Variants in ST6GAL1 observed in about 807,000 individuals in gnomAD.
ST6GAL1 encodes beta-galactoside alpha-2,6-sialyltransferase 1.
Under a neutral mutation model 38.0 loss-of-function variants are expected in ST6GAL1, and 20 were observed. That is an observed-to-expected ratio of 0.53 (90% CI 0.37 to 0.77). The LOEUF is 0.77. ST6GAL1 is among the 30% of genes least tolerant of loss of function. ST6GAL1 has a pLI of 0.00. For synonymous variants in ST6GAL1, 196 were observed against 188.2 expected (o/e 1.04, Z -0.34); for missense variants, 432 against 496.4 (o/e 0.87, Z 1.23).
Position 187,072,923 on chromosome 3 carries a change from T to C in ST6GAL1, c.780T>C (p.Ser260=), listed in dbSNP as rs754141160. 1.2e-6 allele frequency: 2 copies of C among 1,613,938 alleles called. No individual in the cohort carries two copies. The highest frequency in any genetic ancestry group is 1.7e-6 in the Non-Finnish European group (2 of 1,179,814). ...NEGILIVWDP[S]VYHSDIPKWY... Reference sequence around the variant, plus strand: ...GAATCCTAATTGTATGGGACCCATCTGTATACCACTCAGATATCCCAAAGG... The same window carrying C: ...GAATCCTAATTGTATGGGACCCATCCGTATACCACTCAGATATCCCAAAGG... Residue 260 remains serine (S), a synonymous_variant, in exon 6 of 8, where the codon TCT becomes TCC. Coordinates refer to ENST00000169298, the MANE Select transcript of ST6GAL1 (RefSeq NM_173216.2).
intron 2 of ST6GAL1, among the ~76,000 whole-genome samples, chr3:187,020,197 T>G (rs1458978608): frequency 6.6e-6 from 1 of 152,140 alleles, no homozygotes; most frequent in African/African-American, 2.4e-5. Context: ...CTCGGGAGGC[T>G]GAGGCAGAGA....
intron 2 of ST6GAL1, chr3:187,024,989 G>C (rs1028447796): frequency 3.8e-5 from 2 of 52,618 alleles, no homozygotes; most frequent in Non-Finnish European, 6.5e-5. Context: ...AACCTGGTGC[G>C]TGTGTGTGTG....
At chr3:186,985,181 T>C (rs886276509) in intron 2 of ST6GAL1, among the ~76,000 whole-genome samples, 1 of 152,074 alleles carries the variant, frequency 6.6e-6, no homozygotes, top group Non-Finnish European at 1.5e-5. Context: ...AGTGTTGGGA[T>C]TGCAGACGTG....
intron 5 of ST6GAL1, among the ~76,000 whole-genome samples, chr3:187,060,391 C>T (rs1327160289): frequency 6.6e-6 from 1 of 152,094 alleles, no homozygotes; most frequent in African/African-American, 2.4e-5. Flanking sequence ...AAACTCCTGA[C>T]CTCAGGTGAT....
chr3:186,974,735 G>GC (rs899293718), intron 2 of ST6GAL1, among the ~76,000 whole-genome samples: 3 of 150,920 alleles, frequency 2.0e-5, no homozygotes, highest in African/African-American at 7.3e-5. Context: ...TTGGGGGGGG[G>GC]GCGCCCACAG....
chr3:186,940,921 G>GA lies in ST6GAL1; in HGVS notation c.-325+10088dup, dbSNP rs1168692024. 7.9e-5 allele frequency among the ~76,000 whole-genome samples: 12 copies of GA among 152,108 alleles called. No homozygotes were observed. In the South Asian group the frequency reaches 1.5e-3, roughly 18 times the overall value. ...TGTTTTTAGACCTCAAACATATGGA[G>GA]AGATGGTTGTAAATGTCAGTGGGTT... On this transcript the variant is annotated intron_variant, in intron 1 of 7. Coordinates refer to ENST00000169298, the MANE Select transcript of ST6GAL1 (RefSeq NM_173216.2).
chr3:186,996,866 G>C (rs1716429420), intron 2 of ST6GAL1, among the ~76,000 whole-genome samples: 1 of 151,566 alleles, frequency 6.6e-6, no homozygotes, highest in African/African-American at 2.4e-5. Context: ...GCCCCTCTCT[G>C]CTTGGGTCCC....
In ST6GAL1 at chr3:187,077,475, A is replaced by G. The variant is rs1016245673; in HGVS notation, c.*1672A>G. ...TAACCATCTCGGAGCTGGGCTCCTC[A>G]TTTACTGCCAAACCCTCAGCTTATG... On this transcript the variant is annotated 3_prime_UTR_variant, in exon 8 of 8. Coordinates refer to ENST00000169298, the MANE Select transcript of ST6GAL1 (RefSeq NM_173216.2). 1 of 152,638 alleles carries G rather than the reference A, an allele frequency of 6.6e-6. No homozygotes were observed. The highest frequency in any genetic ancestry group is 1.5e-5 in the Non-Finnish European group (1 of 68,380). 9.5% of individuals were successfully genotyped at this position (152,638 alleles called of 1,614,324 possible). A position where few individuals can be genotyped will look rare whatever the true frequency, so the allele number is the denominator to read the frequency against.
chr3:187,037,414 C>T (rs1232134741), intron 2 of ST6GAL1, among the ~76,000 whole-genome samples: 3 of 152,012 alleles, frequency 2.0e-5, no homozygotes, highest in Non-Finnish European at 4.4e-5. Context: ...ATTATATTAA[C>T]CCTTTTTATA....
intron 1 of ST6GAL1, chr3:186,948,704 A>G: frequency 6.5e-6 from 1 of 152,800 alleles, no homozygotes; most frequent in Non-Finnish European, 1.5e-5. Flanking sequence ...AGCCAGCCTC[A>G]GTTCCGGAGG....
intron 4 of ST6GAL1, chr3:187,043,996 T>C (rs1268334187): frequency 1.3e-5 from 2 of 152,254 alleles, no homozygotes; most frequent in African/African-American, 4.8e-5. Flanking sequence ...AAACTGTCTG[T>C]GGATTAGGTG....
chr3:186,991,955 A>C (rs1270034972), intron 2 of ST6GAL1, among the ~76,000 whole-genome samples: 1 of 152,044 alleles, frequency 6.6e-6, no homozygotes, highest in African/African-American at 2.4e-5. Context: ...TCCAATTTTC[A>C]GTCTCCCTCA....
chr3:187,012,257 A>AT (rs374397154), intron 2 of ST6GAL1, among the ~76,000 whole-genome samples: 174 of 143,970 alleles, frequency 1.2e-3, no homozygotes, highest in African/African-American at 2.6e-3. Context: ...ATTTTTTTTC[A>AT]TTTTTTTTTT....
intron 5 of ST6GAL1, among the ~76,000 whole-genome samples, chr3:187,056,537 AT>A (rs1375762673): frequency 3.3e-5 from 5 of 152,146 alleles, no homozygotes; most frequent in African/African-American, 1.2e-4. Flanking sequence ...TCTGTAAAGG[AT>A]TTTATTTCTC....
chr3:187,066,145 AT>A (rs1224754932), intron 5 of ST6GAL1, among the ~76,000 whole-genome samples: 2 of 152,196 alleles, frequency 1.3e-5, no homozygotes. Context: ...GAGCTGGGTG[AT>A]TTTGATGGAA....
intron 1 of ST6GAL1, among the ~76,000 whole-genome samples, chr3:186,943,260 T>A (rs958222252): frequency 6.6e-6 from 1 of 152,164 alleles, no homozygotes; most frequent in African/African-American, 2.4e-5. Context: ...AGGGGAAGGC[T>A]GCAGGAGCAA....
intron 2 of ST6GAL1, among the ~76,000 whole-genome samples, chr3:186,995,527 TAA>T (rs1386280477): frequency 0.099 from 11,249 of 113,348 alleles, 802 homozygotes; most frequent in Middle Eastern, 0.25. Flanking sequence ...AATAATAAAA[TAA>T]AAAAAAAATA....
chr3:186,999,690 TGAG>T (rs1716549766), intron 2 of ST6GAL1, among the ~76,000 whole-genome samples: 1 of 152,128 alleles, frequency 6.6e-6, no homozygotes, highest in Admixed American at 6.5e-5. Flanking sequence ...ATTACAGTCA[TGAG>T]CCACCGTGTC....
intron 2 of ST6GAL1, among the ~76,000 whole-genome samples, chr3:186,968,263 A>G (rs12495852): frequency 0.24 from 36,580 of 151,994 alleles, 4,845 homozygotes; most frequent in East Asian, 0.47. Flanking sequence ...AATAATACCT[A>G]CCTTGAGTGA....
Sources: allele counts gnomAD v4.1 joint callset (sites outside exome capture counted in the v4.1 genomes callset), GRCh38; gene constraint gnomAD v4.1.1; transcripts MANE v1.5; gene names NCBI Gene and HGNC (gene_info 2026-07-23, HGNC 2026-07-21).